The following GRM5 variants were observed in gnomAD, a reference collection of about 807,000 sequenced individuals.
GRM5 encodes glutamate metabotropic receptor 5, also known as metabotropic glutamate receptor 5.
A neutral mutation model predicts 83.1 loss-of-function variants in GRM5; 19 were observed. That is an observed-to-expected ratio of 0.23 (90% CI 0.16 to 0.34). The LOEUF (loss-of-function observed/expected upper bound fraction) is 0.34, where lower values mean the gene tolerates loss of function less well. Ranked by LOEUF, GRM5 falls within the 10% of genes least tolerant of loss-of-function variation. The probability of loss-of-function intolerance (pLI) is 1.00; values close to 1 mark genes in which losing one functional copy is unlikely to be tolerated. For synonymous variants in GRM5, 675 were observed against 633.6 expected (o/e 1.07, Z -0.98); for missense variants, 1,160 against 1,588.3 (o/e 0.73, Z 4.58).
At chr11:88,617,146 T>G (rs1938506755) in intron 4 of GRM5, among the ~76,000 whole-genome samples, 1 of 152,150 alleles carries the variant, frequency 6.6e-6, no homozygotes, top group Non-Finnish European at 1.5e-5. Context: ...CAATGCCAAT[T>G]TACAGCAGGA....
intron 2 of GRM5, among the ~76,000 whole-genome samples, chr11:88,899,927 C>T (rs533099830): frequency 1.3e-5 from 2 of 152,192 alleles, no homozygotes; most frequent in South Asian, 4.1e-4. Context: ...GTTTGATTCA[C>T]TCACAAAGCT....
intron 3 of GRM5, among the ~76,000 whole-genome samples, chr11:88,798,311 T>C (rs10501684): frequency 0.025 from 3,860 of 152,274 alleles, 169 homozygotes; most frequent in African/African-American, 0.089. Flanking sequence ...CTATGTCCAA[T>C]TAATCTTTCA....
intron 2 of GRM5, among the ~76,000 whole-genome samples, chr11:88,995,691 C>G (rs1353601879): frequency 6.6e-6 from 1 of 151,796 alleles, no homozygotes. Flanking sequence ...CTGCTGCAAT[C>G]TGTAGGATGT....
chr11:88,580,878 C>T (rs776316668), intron 7 of GRM5, among the ~76,000 whole-genome samples: 8 of 152,166 alleles, frequency 5.3e-5, no homozygotes, highest in East Asian at 1.9e-4. Flanking sequence ...CAGTGGCTCA[C>T]GCCTGTAATC....
intron 2 of GRM5, among the ~76,000 whole-genome samples, chr11:88,991,927 C>T (rs1349763585): frequency 2.0e-5 from 3 of 152,150 alleles, no homozygotes; most frequent in African/African-American, 4.8e-5. Context: ...AAAACCCAGG[C>T]AGTACCATTC....
chr11:88,759,598 A>T (rs1460971761), intron 3 of GRM5, among the ~76,000 whole-genome samples: 1 of 152,174 alleles, frequency 6.6e-6, no homozygotes, highest in African/African-American at 2.4e-5. Context: ...GGACCTACAA[A>T]GGGACTTAGA....
At chr11:88,794,358 C>A (rs1432123577) in intron 3 of GRM5, among the ~76,000 whole-genome samples, 1 of 152,148 alleles carries the variant, frequency 6.6e-6, no homozygotes, top group South Asian at 2.1e-4. Context: ...TCTGTGGACA[C>A]TTTTTGTTCT....
At chr11:88,820,478 T>C (rs565273081) in intron 3 of GRM5, among the ~76,000 whole-genome samples, 35 of 152,072 alleles carry the variant, frequency 2.3e-4, no homozygotes, top group African/African-American at 8.2e-4. Flanking sequence ...AAATAAGGTG[T>C]TCACTGGTTT....
At chr11:88,849,010 C>A (rs915873958) in intron 3 of GRM5, among the ~76,000 whole-genome samples, 16 of 152,226 alleles carry the variant, frequency 1.1e-4, no homozygotes, top group African/African-American at 3.6e-4. Flanking sequence ...GCAAGCCTAC[C>A]AACTTTCAGA....
chr11:88,613,651 C>T (rs887762931), intron 4 of GRM5, among the ~76,000 whole-genome samples: 4 of 151,996 alleles, frequency 2.6e-5, no homozygotes, highest in Non-Finnish European at 5.9e-5. Context: ...CCATTTTATG[C>T]CTTTTAAGTG....
At chr11:88,663,917 C>T (rs1939971963) in intron 3 of GRM5, among the ~76,000 whole-genome samples, 2 of 152,110 alleles carry the variant, frequency 1.3e-5, no homozygotes, top group African/African-American at 4.8e-5. Context: ...TAAACCTCAC[C>T]TCCCAGTTTG....
At chr11:88,731,624 TTTGTTG>T (rs938563018) in intron 3 of GRM5, among the ~76,000 whole-genome samples, 2 of 151,940 alleles carry the variant, frequency 1.3e-5, no homozygotes, top group Non-Finnish European at 2.9e-5. Flanking sequence ...TTGATGGGAT[TTTGTTG>T]TTGTTGTTGT....
chr11:89,049,413 G>A (rs1400695944), intron 1 of GRM5, among the ~76,000 whole-genome samples: 3 of 152,106 alleles, frequency 2.0e-5, no homozygotes, highest in Admixed American at 2.0e-4. Flanking sequence ...TATCAACTTT[G>A]CCAGCCAAGG....
chr11:88,713,555 T>C (rs539424408), intron 3 of GRM5, among the ~76,000 whole-genome samples: 5 of 152,148 alleles, frequency 3.3e-5, no homozygotes, highest in African/African-American at 1.2e-4. Context: ...GAAATGATGC[T>C]GTTATATGAA....
chr11:88,512,815 G>A (rs1941415027), intron 9 of GRM5, among the ~76,000 whole-genome samples: 1 of 152,186 alleles, frequency 6.6e-6, no homozygotes, highest in Non-Finnish European at 1.5e-5. Flanking sequence ...TGTGAATACA[G>A]CATTTCAGAA....
chr11:88,526,384 A>G (rs753926037), intron 8 of GRM5, among the ~76,000 whole-genome samples: 18 of 152,144 alleles, frequency 1.2e-4, no homozygotes, highest in Non-Finnish European at 2.4e-4. Flanking sequence ...TGTTATTTCC[A>G]TTTGCCAGAT....
intron 3 of GRM5, among the ~76,000 whole-genome samples, chr11:88,686,194 T>C (rs928350160): frequency 6.6e-6 from 1 of 152,206 alleles, no homozygotes; most frequent in African/African-American, 2.4e-5. Context: ...GTGACCTGGA[T>C]GTGAGACCTG....
At chr11:88,882,650 T>C (rs1944979795) in intron 2 of GRM5, among the ~76,000 whole-genome samples, 2 of 152,228 alleles carry the variant, frequency 1.3e-5, no homozygotes, top group Non-Finnish European at 2.9e-5. Context: ...ATTTATTATA[T>C]TAATAAATAT....
At chr11:88,914,189 G>C (rs986224398) in intron 2 of GRM5, among the ~76,000 whole-genome samples, 2 of 152,136 alleles carry the variant, frequency 1.3e-5, no homozygotes, top group Admixed American at 1.3e-4. Flanking sequence ...CACTGATCTA[G>C]GGTCTCCTTC....
Sources: gnomAD v4.1 joint callset for allele counts (sites outside exome capture counted in the v4.1 genomes callset) on GRCh38, gnomAD v4.1.1 for gene constraint, MANE v1.5 for transcripts, NCBI Gene and HGNC (gene_info 2026-07-23, HGNC 2026-07-21) for gene names.